Variants in CNTN5 observed in about 807,000 individuals in gnomAD.
CNTN5 encodes contactin-5.
A neutral mutation model predicts 129.1 loss-of-function variants in CNTN5; 77 were observed. The ratio of observed to expected loss-of-function variants is 0.60; its 90% CI spans 0.50 to 0.72. The LOEUF is 0.72. CNTN5 is among the 30% of genes least tolerant of loss of function. CNTN5 has a pLI of 0.00. For missense variants in CNTN5, 1,478 were observed against 1,328.8 expected, an observed-to-expected ratio of 1.11 and a Z score of -1.75; for synonymous variants, 509 against 465.6, an observed-to-expected ratio of 1.09 and a Z score of -1.20.
intron 3 of CNTN5, among the ~76,000 whole-genome samples, chr11:99,678,779 C>T (rs1953412992): frequency 6.6e-6 from 1 of 151,642 alleles, no homozygotes; most frequent in Non-Finnish European, 1.5e-5. Context: ...TGGCACAGCG[C>T]CAACTACAGT....
chr11:99,597,554 G>A (rs1190298375), intron 3 of CNTN5, among the ~76,000 whole-genome samples: 3 of 151,994 alleles, frequency 2.0e-5, no homozygotes, highest in Non-Finnish European at 2.9e-5. Flanking sequence ...TGTGTGCTCA[G>A]TTATCTACTG....
chr11:99,035,599 C>G (rs1428099094), intron 1 of CNTN5, among the ~76,000 whole-genome samples: 6 of 148,288 alleles, frequency 4.0e-5, no homozygotes, highest in South Asian at 2.2e-4. Context: ...CAACCCCTGC[C>G]TTTTTTTGTT....
intron 2 of CNTN5, among the ~76,000 whole-genome samples, chr11:99,543,505 T>G (rs1054282651): frequency 3.3e-5 from 5 of 152,224 alleles, no homozygotes; most frequent in African/African-American, 1.2e-4. Flanking sequence ...TTTCTTAATC[T>G]GCTCTGACAT....
At position 99,844,726 on chromosome 11, in the gene CNTN5, G is replaced by A. The variant is rs900136501; in HGVS notation, c.278-126G>A. 1.4e-5 allele frequency: 11 copies of A among 806,076 alleles called. No individual in the cohort carries two copies. In the African/African-American group the frequency reaches 1.6e-4, roughly 11 times the overall value. The allele number at this position is 806,076 out of a possible 1,614,324, so 49.9% of individuals were successfully genotyped here. A position where few individuals can be genotyped will look rare whatever the true frequency, so the allele number is the denominator to read the frequency against. ...AGTTTTCTAGCTATTCCTTCTTTTG[G>A]GAATTTACCTGTTGATTACAAGAAA... is the stretch of plus-strand genomic sequence containing the variant. On this transcript the variant is annotated intron_variant, in intron 4 of 24. Transcript: ENST00000524871.
At chr11:99,851,532 C>T (rs1005812849) in intron 6 of CNTN5, among the ~76,000 whole-genome samples, 1 of 152,118 alleles carries the variant, frequency 6.6e-6, no homozygotes, top group Admixed American at 6.6e-5. Flanking sequence ...AGCAGTTTCT[C>T]CACAGTTGGG....
intron 3 of CNTN5, among the ~76,000 whole-genome samples, chr11:99,815,938 T>C (rs2036081686): frequency 6.6e-6 from 1 of 152,132 alleles, no homozygotes; most frequent in Admixed American, 6.5e-5. Context: ...ATCTATTTCT[T>C]CAATTCCCTC....
intron 3 of CNTN5, among the ~76,000 whole-genome samples, chr11:99,598,212 A>AC (rs1950182635): frequency 7.7e-6 from 1 of 129,860 alleles, no homozygotes; most frequent in African/African-American, 2.8e-5. Flanking sequence ...TCAGGCGGGA[A>AC]CCTTTTCTTC....
intron 1 of CNTN5, among the ~76,000 whole-genome samples, chr11:99,296,282 G>T (rs1282156043): frequency 6.6e-6 from 1 of 152,216 alleles, no homozygotes; most frequent in Non-Finnish European, 1.5e-5. Context: ...ACCCTTCTCA[G>T]CTGTGAGATT....
intron 2 of CNTN5, among the ~76,000 whole-genome samples, chr11:99,401,990 C>T (rs966923859): frequency 6.6e-6 from 1 of 152,084 alleles, no homozygotes; most frequent in African/African-American, 2.4e-5. Flanking sequence ...GGTTTTTTCA[C>T]GTTTAAGATT....
At chr11:100,288,013 G>T (rs559630765) in intron 18 of CNTN5, among the ~76,000 whole-genome samples, 6 of 152,024 alleles carry the variant, frequency 3.9e-5, no homozygotes, top group African/African-American at 1.2e-4. Context: ...GACAAAGAAG[G>T]CCATTACATA....
intron 1 of CNTN5, among the ~76,000 whole-genome samples, chr11:99,094,699 C>A (rs998304232): frequency 1.3e-5 from 2 of 151,642 alleles, no homozygotes; most frequent in Non-Finnish European, 2.9e-5. Flanking sequence ...ATAGGCATAC[C>A]CTGAATAGTA....
chr11:99,849,396 A>G (rs533093018), intron 6 of CNTN5, among the ~76,000 whole-genome samples: 2 of 152,088 alleles, frequency 1.3e-5, no homozygotes, highest in South Asian at 2.1e-4. Flanking sequence ...CATAATTAGT[A>G]TACTGACACT....
chr11:99,757,142 C>G lies in CNTN5; in HGVS notation c.56-62402C>G, dbSNP rs75465925. ...GCACTAGGGCAAAATGTGATCCATTCGTTTCTCTTAGCTTCTGGTATTGTC... is the reference window on the plus strand; with the variant it reads ...GCACTAGGGCAAAATGTGATCCATTGGTTTCTCTTAGCTTCTGGTATTGTC... On this transcript the variant is annotated intron_variant, in intron 3 of 24. Coordinates refer to ENST00000524871, the MANE Select transcript of CNTN5 (RefSeq NM_014361.4). Among the ~76,000 whole-genome samples the G allele has an allele frequency of 9.7e-3, 1,468 of 152,046 alleles. 70 individuals carry two copies. The East Asian group carries it at 0.14, about 14-fold the overall frequency.
In CNTN5 at chr11:99,087,881, C is replaced by T. The variant is rs547736103; in HGVS notation, c.-210+66611C>T. ...TCTTCTTCCTGCAGATTCAATTTCA[C>T]GGGCATGCAACCTATGTGGCCACAG... is the stretch of plus-strand genomic sequence containing the variant. On this transcript the variant is annotated intron_variant, in intron 1 of 24. Transcript: ENST00000524871. 4.6e-5 allele frequency among the ~76,000 whole-genome samples: 7 copies of T among 152,256 alleles called. No homozygotes were observed. The East Asian group carries it at 7.7e-4, about 17-fold the overall frequency.
chr11:99,046,000 C>A (rs867098254), intron 1 of CNTN5, among the ~76,000 whole-genome samples: 4 of 152,176 alleles, frequency 2.6e-5, no homozygotes, highest in Admixed American at 1.3e-4. Context: ...GGAATATGTA[C>A]CCAGGTAAAT....
chr11:99,528,474 G>A (rs1947573044), intron 2 of CNTN5, among the ~76,000 whole-genome samples: 1 of 152,312 alleles, frequency 6.6e-6, no homozygotes, highest in East Asian at 1.9e-4. Context: ...AAATACCATG[G>A]CAGACAACCT....
intron 6 of CNTN5, among the ~76,000 whole-genome samples, chr11:99,849,293 A>G (rs1487636981): frequency 1.3e-5 from 2 of 151,730 alleles, no homozygotes; most frequent in African/African-American, 4.8e-5. Context: ...TTTCAAAGAA[A>G]ACTTTGATTT....
At position 100,331,804 on chromosome 11, in the gene CNTN5, C is replaced by T. The variant is rs182665115; in HGVS notation, c.2731-8659C>T. On this transcript the variant is annotated intron_variant, in intron 21 of 24. Transcript: ENST00000524871. ...GAACTAAATGATAGTAGTGACACAA[C>T]CTATCAAAACCTCTGAGATACAGAA... Among the ~76,000 whole-genome samples, 92 of 152,022 alleles carry T rather than the reference C, an allele frequency of 6.1e-4. 1 individual carries two copies. The highest frequency in any genetic ancestry group is 6.8e-3 in the Middle Eastern group (2 of 294).
chr11:100,169,755 G>C (rs1392846457), intron 13 of CNTN5, among the ~76,000 whole-genome samples: 1 of 151,960 alleles, frequency 6.6e-6, no homozygotes, highest in Non-Finnish European at 1.5e-5. Context: ...AGGTGTGCTA[G>C]AACTTTTCTT....
Sources: allele counts gnomAD v4.1 joint callset (sites outside exome capture counted in the v4.1 genomes callset), GRCh38; gene constraint gnomAD v4.1.1; transcripts MANE v1.5; gene names NCBI Gene and HGNC (gene_info 2026-07-23, HGNC 2026-07-21).